IPO11: variants seen among roughly 807,000 people sequenced by gnomAD.
IPO11 encodes the protein importin-11.
In IPO11, 66 loss-of-function variants were observed where a neutral mutation model predicts 143.2. The ratio of observed to expected loss-of-function variants is 0.46; its 90% CI spans 0.38 to 0.57. The LOEUF (loss-of-function observed/expected upper bound fraction) is 0.57, where lower values mean the gene tolerates loss of function less well. Ranked by LOEUF, IPO11 falls within the 20% of genes least tolerant of loss-of-function variation. The pLI is 0.00. For synonymous variants in IPO11, 385 were observed against 377.8 expected, an observed-to-expected ratio of 1.02 and a Z score of -0.22; for missense variants, 1,026 against 1,141.0, an observed-to-expected ratio of 0.90 and a Z score of 1.45.
chr5:62,567,228 T>C (rs1743975010), intron 27 of IPO11, among the ~76,000 whole-genome samples: 1 of 152,160 alleles, frequency 6.6e-6, no homozygotes, highest in Non-Finnish European at 1.5e-5. Flanking sequence ...CTTCAGCACT[T>C]TGAACATGTC....
intron 29 of IPO11, among the ~76,000 whole-genome samples, chr5:62,610,251 TTTC>T (rs1745879289): frequency 6.6e-6 from 1 of 152,236 alleles, no homozygotes; most frequent in South Asian, 2.1e-4. Flanking sequence ...CATCTGATTA[TTTC>T]TTTTTTCCTT....
intron 3 of IPO11, 163 bp downstream of exon 3, chr5:62,443,246 G>T: frequency 6.6e-6 from 3 of 452,250 alleles, no homozygotes; most frequent in Non-Finnish European, 7.8e-6. Context: ...CTCTGTGCAA[G>T]GATGATGTGG....
At chr5:62,564,710 T>C (rs1314849053) in intron 27 of IPO11, among the ~76,000 whole-genome samples, 2 of 152,036 alleles carry the variant, frequency 1.3e-5, no homozygotes, top group Non-Finnish European at 2.9e-5. Flanking sequence ...ATTGAAAATA[T>C]CATCAGACAT....
At position 62,627,275 on chromosome 5, in the gene IPO11, C is replaced by T. The variant is rs148719141; in HGVS notation, c.2885C>T (p.Thr962Met). 5.1e-5 allele frequency: 83 copies of T among 1,613,960 alleles called. No homozygotes were observed. The African/African-American group carries it at 7.5e-4, about 15-fold the overall frequency. The change falls in exon 30 of 30, where the codon ACG becomes ATG. Residue 962 changes from threonine to methionine, a missense_variant. By Grantham distance (81) the Thr-to-Met change is moderately conservative. This residue lies in a region of IPO11 where 351 missense variants were observed against 358.9 expected (regional missense o/e 0.98). Transcript: ENST00000325324. ...CAGTCCCTCATGGAAACAGTGGATA[C>T]GGAGATTGTCACCCAGCTACAGGAG... ...GFQSLMETVD[T>M]EIVTQLQEFL...
chr5:62,595,940 C>T (rs1484447173), intron 28 of IPO11, among the ~76,000 whole-genome samples: 22 of 151,164 alleles, frequency 1.5e-4, no homozygotes, highest in Admixed American at 1.5e-3. Flanking sequence ...AATCCCTTAC[C>T]AAGGTTTGGG....
intron 9 of IPO11, among the ~76,000 whole-genome samples, chr5:62,482,340 G>A (rs1201680001): frequency 6.6e-6 from 1 of 152,148 alleles, no homozygotes; most frequent in Non-Finnish European, 1.5e-5. Context: ...TTTGGAATGT[G>A]TTTGCTCTTC....
chr5:62,480,905 C>CT (rs1561328227), intron 9 of IPO11, among the ~76,000 whole-genome samples: 2 of 109,050 alleles, frequency 1.8e-5, no homozygotes, highest in African/African-American at 7.7e-5. Context: ...CTTCCTCTTT[C>CT]ATTTTTTTTT....
intron 19 of IPO11, among the ~76,000 whole-genome samples, chr5:62,514,609 A>AGGGAGT (rs1741934601): frequency 8.7e-6 from 1 of 114,864 alleles, no homozygotes; most frequent in Admixed American, 8.0e-5. Flanking sequence ...GAGACGGGAG[A>AGGGAGT]GGGAGAGGGA....
intron 20 of IPO11, among the ~76,000 whole-genome samples, chr5:62,520,506 A>G (rs1334380128): frequency 6.6e-6 from 1 of 151,980 alleles, no homozygotes; most frequent in Admixed American, 6.6e-5. Flanking sequence ...TATATCTCCT[A>G]ATGTTATCCC....
At chr5:62,546,456 G>A (rs1202169823) in intron 24 of IPO11, among the ~76,000 whole-genome samples, 1 of 152,100 alleles carries the variant, frequency 6.6e-6, no homozygotes, top group African/African-American at 2.4e-5. Context: ...CGTAGGGTTG[G>A]GGGAGTGGGG....
At chr5:62,565,415 G>T (rs1038236306) in intron 27 of IPO11, among the ~76,000 whole-genome samples, 3 of 152,176 alleles carry the variant, frequency 2.0e-5, no homozygotes, top group African/African-American at 7.2e-5. Context: ...GAACCCGGGA[G>T]GCAGAGGTTG....
chr5:62,525,382 G>C (rs1002311566), intron 20 of IPO11, among the ~76,000 whole-genome samples: 3 of 148,370 alleles, frequency 2.0e-5, no homozygotes, highest in African/African-American at 7.5e-5. Flanking sequence ...GTGTGTGTGT[G>C]TGTGAGGTGA....
intron 24 of IPO11, among the ~76,000 whole-genome samples, chr5:62,542,329 ATAAATTATATTTT>A (rs1214271232): frequency 2.0e-5 from 3 of 152,108 alleles, no homozygotes; most frequent in African/African-American, 7.2e-5. Context: ...TTCATTATGA[ATAAATTATATTTT>A]TATGTTAAGG....
At position 62,441,496 on chromosome 5, in the gene IPO11, C is replaced by CT. The variant is rs995019567; in HGVS notation, c.139-1453dup. ...ACAGGCATGAGCCACTGTGCCTGGCCTTTTTTTTTTTTTTTTTTTTTTTTT... is the reference window on the plus strand; with the variant it reads ...ACAGGCATGAGCCACTGTGCCTGGCCTTTTTTTTTTTTTTTTTTTTTTTTTT... On this transcript the variant is annotated intron_variant, in intron 2 of 29. Transcript: ENST00000325324. Among the ~76,000 whole-genome samples, 358 of 47,368 alleles carry CT rather than the reference C, an allele frequency of 7.6e-3. 31 individuals are homozygous for CT. The highest frequency in any genetic ancestry group is 0.011 in the African/African-American group (121 of 10,962). The allele number at this position is 47,368 out of a possible 152,430, so 31.1% of individuals were successfully genotyped here.
At chr5:62,440,919 C>CCGAT (rs1406856351) in intron 2 of IPO11, among the ~76,000 whole-genome samples, 1 of 151,540 alleles carries the variant, frequency 6.6e-6, no homozygotes, top group Non-Finnish European at 1.5e-5. Flanking sequence ...GCCAAGATCG[C>CCGAT]GCCACTGCAC....
At chr5:62,527,616 A>T (rs1470271390) in intron 21 of IPO11, among the ~76,000 whole-genome samples, 4 of 152,240 alleles carry the variant, frequency 2.6e-5, no homozygotes, top group African/African-American at 9.6e-5. Flanking sequence ...AGTATTACTG[A>T]CAATATATTA....
intron 27 of IPO11, among the ~76,000 whole-genome samples, chr5:62,568,392 C>T (rs373345250): frequency 1.5e-4 from 22 of 150,948 alleles, no homozygotes; most frequent in East Asian, 9.7e-4. Flanking sequence ...CTAGTATTTC[C>T]GTTTGATTTT....
At chr5:62,501,529 G>T (rs1210165146) in intron 16 of IPO11, among the ~76,000 whole-genome samples, 1 of 152,066 alleles carries the variant, frequency 6.6e-6, no homozygotes, top group Non-Finnish European at 1.5e-5. Context: ...CTTGAAAGGA[G>T]ATGAATTTAT....
At chr5:62,496,965 C>G (rs902850684) in intron 16 of IPO11, among the ~76,000 whole-genome samples, 2 of 152,194 alleles carry the variant, frequency 1.3e-5, no homozygotes, top group Non-Finnish European at 2.9e-5. Context: ...AAGTCCTATA[C>G]TAACTGGAGA....
Sources: allele counts gnomAD v4.1 joint callset (sites outside exome capture counted in the v4.1 genomes callset), GRCh38; gene constraint gnomAD v4.1.1; regional missense constraint gnomAD v4.1.1; transcripts MANE v1.5; gene names NCBI Gene and HGNC (gene_info 2026-07-23, HGNC 2026-07-21).